AKAP7: variants seen among roughly 807,000 people sequenced by gnomAD.
AKAP7 encodes the protein A-kinase anchoring protein 7.
AKAP7 carries 39 observed loss-of-function variants against 39.5 expected under a neutral mutation model. That is an observed-to-expected ratio of 0.99 (90% confidence interval 0.76 to 1.29). The LOEUF (loss-of-function observed/expected upper bound fraction) is 1.29, where lower values mean the gene tolerates loss of function less well. Among genes scored for constraint, AKAP7 ranks in the 50% most tolerant of loss-of-function variants. AKAP7 has a pLI of 0.00. For missense variants in AKAP7, 414 were observed against 407.7 expected, an observed-to-expected ratio of 1.02 and a Z score of -0.13; for synonymous variants, 140 against 139.1, an observed-to-expected ratio of 1.01 and a Z score of -0.05.
chr6:131,230,543 T>C lies in AKAP7; in HGVS notation c.850+10735T>C, dbSNP rs779640518. Among the ~76,000 whole-genome samples, 115 of 152,294 alleles carry C rather than the reference T, an allele frequency of 7.6e-4. 2 individuals carry two copies. The Middle Eastern group carries it at 0.02, about 27-fold the overall frequency. On this transcript the variant is annotated intron_variant, in intron 7 of 7. Coordinates refer to ENST00000431975, the MANE Select transcript of AKAP7 (RefSeq NM_016377.4). Reference sequence around the variant, plus strand: ...ATATTTTCTCCTGTTCTGTAGGTTGTCTGTTTACTCTGTTGATAGTTTTTG... The same window carrying C: ...ATATTTTCTCCTGTTCTGTAGGTTGCCTGTTTACTCTGTTGATAGTTTTTG...
chr6:131,208,026 A>C (rs1808296220), intron 6 of AKAP7, among the ~76,000 whole-genome samples: 1 of 152,220 alleles, frequency 6.6e-6, no homozygotes, highest in South Asian at 2.1e-4. Flanking sequence ...CATATTTCCA[A>C]GTACATTAAA....
intron 5 of AKAP7, among the ~76,000 whole-genome samples, chr6:131,170,028 T>G (rs1803879314): frequency 6.6e-6 from 1 of 151,666 alleles, no homozygotes; most frequent in Non-Finnish European, 1.5e-5. Context: ...TCTTTGTGTA[T>G]CTACGTTTCT....
intron 2 of AKAP7, among the ~76,000 whole-genome samples, chr6:131,149,589 T>C (rs1394581379): frequency 1.3e-5 from 2 of 152,154 alleles, no homozygotes; most frequent in African/African-American, 4.8e-5. Flanking sequence ...GAGCCGAGAT[T>C]GCGCCACTGC....
At chr6:131,127,670 A>G in the AKAP7 span, among the ~76,000 whole-genome samples, 2 of 152,242 alleles carry the variant, frequency 1.3e-5, no homozygotes, top group East Asian at 3.8e-4. Context: ...TTCAGTATAT[A>G]TGACAAAGTA....
At chr6:131,141,899 CTTTTTTTT>C (rs773131426) in intron 1 of AKAP7, among the ~76,000 whole-genome samples, 7 of 116,234 alleles carry the variant, frequency 6.0e-5, no homozygotes, top group African/African-American at 1.2e-4. Flanking sequence ...TTCTTTCTTT[CTTTTTTTT>C]TTTTTTTTTT....
intron 7 of AKAP7, among the ~76,000 whole-genome samples, chr6:131,243,676 C>G (rs562599842): frequency 6.6e-6 from 1 of 152,268 alleles, no homozygotes; most frequent in South Asian, 2.1e-4. Context: ...TGCCCAAGGT[C>G]AAACACTGGG....
the AKAP7 span, among the ~76,000 whole-genome samples, chr6:131,125,651 C>A: frequency 2.6e-5 from 4 of 152,082 alleles, no homozygotes; most frequent in South Asian, 6.2e-4. Flanking sequence ...CCTTCCAATA[C>A]AGCAAGTGGC....
chr6:131,140,579 CTT>C (rs1800946857), intron 1 of AKAP7, among the ~76,000 whole-genome samples: 1 of 152,154 alleles, frequency 6.6e-6, no homozygotes, highest in Non-Finnish European at 1.5e-5. Context: ...AGCACAAGAA[CTT>C]GGAAGCTAGT....
intron 7 of AKAP7, chr6:131,250,362 G>A: frequency 1.4e-6 from 2 of 1,396,974 alleles, no homozygotes; most frequent in Non-Finnish European, 9.3e-7. Context: ...CTGGAGGACT[G>A]GAGGTGGAGC....
rs778666216 is a variant in AKAP7, at chr6:131,135,719, G to A, written c.-45G>A. Reference sequence around the variant, plus strand: ...CAGCCCCGGGACGCGGCCCGCCACCGCCGCTGCCGCCAGCCCAGACGCGCC... The same window carrying A: ...CAGCCCCGGGACGCGGCCCGCCACCACCGCTGCCGCCAGCCCAGACGCGCC... On this transcript the variant is annotated 5_prime_UTR_variant, in exon 1 of 8. Coordinates refer to ENST00000431975, the MANE Select transcript of AKAP7 (RefSeq NM_016377.4). The A allele has an allele frequency of 2.2e-4, 261 of 1,199,852 alleles. 3 individuals are homozygous for A. In the East Asian group the frequency reaches 4.9e-3, roughly 23 times the overall value. The allele number at this position is 1,199,852 out of a possible 1,614,324, so 74.3% of individuals were successfully genotyped here.
chr6:131,193,219 T>C (rs1370761084), intron 5 of AKAP7, among the ~76,000 whole-genome samples: 2 of 152,106 alleles, frequency 1.3e-5, no homozygotes, highest in Non-Finnish European at 2.9e-5. Context: ...GTGGATCTAT[T>C]GTATATAGCT....
At chr6:131,204,719 A>T (rs1807923657) in intron 6 of AKAP7, among the ~76,000 whole-genome samples, 1 of 152,198 alleles carries the variant, frequency 6.6e-6, no homozygotes, top group Non-Finnish European at 1.5e-5. Context: ...TAGGTGCCCC[A>T]TGACAATGCA....
intron 5 of AKAP7, among the ~76,000 whole-genome samples, chr6:131,179,896 T>TAAATAATA (rs911267672): frequency 4.2e-5 from 6 of 143,356 alleles, no homozygotes; most frequent in African/African-American, 1.6e-4. Context: ...AATAAATAAA[T>TAAATAATA]AATAAATAAA....
chr6:131,151,357 A>G (rs1388201360), intron 2 of AKAP7, among the ~76,000 whole-genome samples: 1 of 151,104 alleles, frequency 6.6e-6, no homozygotes, highest in Non-Finnish European at 1.5e-5. Context: ...ATCCTCATAG[A>G]AACTTAAAGA....
chr6:131,255,645 G>T (rs1470957402), intron 7 of AKAP7, among the ~76,000 whole-genome samples: 1 of 152,186 alleles, frequency 6.6e-6, no homozygotes, highest in Non-Finnish European at 1.5e-5. Context: ...ACAGGCCTGG[G>T]AGGACAGAGA....
chr6:131,278,041 G>A (rs1345525241), intron 7 of AKAP7, among the ~76,000 whole-genome samples: 3 of 152,136 alleles, frequency 2.0e-5, no homozygotes, highest in Non-Finnish European at 1.5e-5. Flanking sequence ...GGTCATTGGT[G>A]TGCTGTCCTT....
chr6:131,268,276 C>T (rs567916993), intron 7 of AKAP7, among the ~76,000 whole-genome samples: 1 of 152,226 alleles, frequency 6.6e-6, no homozygotes, highest in Non-Finnish European at 1.5e-5. Flanking sequence ...AACTAAGCTT[C>T]CTAATTCGTA....
At chr6:131,134,129 G>T (rs189956287), upstream of AKAP7, among the ~76,000 whole-genome samples, 1 of 152,072 alleles carries the variant, frequency 6.6e-6, no homozygotes, top group Non-Finnish European at 1.5e-5. Flanking sequence ...GGGTCACCAC[G>T]TCTGGTTAAT....
In AKAP7 at chr6:131,278,096, G is replaced by A. The variant is rs183506073; in HGVS notation, c.851-3434G>A. ...TTTAAAATGTTGCTATTGGTTTCAA[G>A]GACTTCAGTCATCAATTCACTTGAC... On this transcript the variant is annotated intron_variant, in intron 7 of 7. Coordinates refer to ENST00000431975, the MANE Select transcript of AKAP7 (RefSeq NM_016377.4). 1.6e-4 allele frequency among the ~76,000 whole-genome samples: 24 copies of A among 152,192 alleles called. No individual in the cohort carries two copies. The East Asian group carries it at 4.2e-3, about 27-fold the overall frequency.
Sources: gnomAD v4.1 joint callset for allele counts (sites outside exome capture counted in the v4.1 genomes callset) on GRCh38, gnomAD v4.1.1 for gene constraint, MANE v1.5 for transcripts, NCBI Gene and HGNC (gene_info 2026-07-23, HGNC 2026-07-21) for gene names.